The following FRMPD4 variants were observed in gnomAD, a reference collection of about 807,000 sequenced individuals.
FRMPD4 encodes the protein FERM and PDZ domain containing 4.
FRMPD4 carries 22 observed loss-of-function variants against 94.1 expected under a neutral mutation model. The observed-to-expected ratio is 0.23, with a 90% CI of 0.17 to 0.33. The LOEUF is 0.33. Ranked by LOEUF, FRMPD4 falls within the 10% of genes least tolerant of loss-of-function variation. The probability of loss-of-function intolerance (pLI) is 1.00; values close to 1 mark genes in which losing one functional copy is unlikely to be tolerated. For missense variants in FRMPD4, 1,111 were observed against 1,339.9 expected, an observed-to-expected ratio of 0.83 and a Z score of 2.67; for synonymous variants, 631 against 548.6, an observed-to-expected ratio of 1.15 and a Z score of -2.10.
chrX:12,675,466 G>A (rs1007065355), intron 5 of FRMPD4, among the ~76,000 whole-genome samples: 7 of 107,953 alleles, frequency 6.5e-5, no homozygotes, highest in Admixed American at 3.0e-4. Context: ...TATAATCTGC[G>A]TACCATAAAA....
At chrX:12,222,015 T>A in intron 1 of FRMPD4, among the ~76,000 whole-genome samples, 1 of 111,753 alleles carries the variant, frequency 8.9e-6, no homozygotes, top group Non-Finnish European at 1.9e-5. Flanking sequence ...AAAAATATGC[T>A]ATGAATATAA....
intron 13 of FRMPD4, among the ~76,000 whole-genome samples, chrX:12,708,307 T>C (rs1360406431): frequency 2.7e-5 from 3 of 109,721 alleles, no homozygotes; most frequent in African/African-American, 1.0e-4. Flanking sequence ...CCATCTCTAC[T>C]AAAAATACAA....
intron 1 of FRMPD4, among the ~76,000 whole-genome samples, chrX:12,305,716 G>A (rs889087217): frequency 7.0e-4 from 47 of 67,571 alleles, no homozygotes; most frequent in Non-Finnish European, 9.9e-4. Context: ...TACCACCACA[G>A]CTGGCTAAGT....
At chrX:12,582,955 C>A (rs1285000734) in intron 2 of FRMPD4, among the ~76,000 whole-genome samples, 1 of 112,231 alleles carries the variant, frequency 8.9e-6, no homozygotes, top group Non-Finnish European at 1.9e-5. Flanking sequence ...CATTGCTCTT[C>A]CTTCTATGCC....
At chrX:12,720,084 GAA>G (rs1163539312) in intron 16 of FRMPD4, among the ~76,000 whole-genome samples, 1 of 105,236 alleles carries the variant, frequency 9.5e-6, no homozygotes, top group Admixed American at 1.0e-4. Context: ...GAAAGAAAGA[GAA>G]AGAAAGAAAG....
chrX:11,924,106 A>C (rs1477133606), intron 3 of FRMPD4, among the ~76,000 whole-genome samples: 1 of 112,467 alleles, frequency 8.9e-6, no homozygotes, highest in Non-Finnish European at 1.9e-5. Flanking sequence ...GAGAGAGCTG[A>C]AAAACATAGT....
At chrX:12,127,041 A>C (rs972158107) in intron 3 of FRMPD4, among the ~76,000 whole-genome samples, 3 of 112,138 alleles carry the variant, frequency 2.7e-5, no homozygotes, top group East Asian at 5.6e-4. Context: ...TGAATACCTG[A>C]TGTCAGAATT....
At chrX:12,243,790 CTTTTTTTTTTTTTTT>C (rs148889684) in intron 1 of FRMPD4, among the ~76,000 whole-genome samples, 15 of 22,913 alleles carry the variant, frequency 6.5e-4, no homozygotes, top group South Asian at 6.6e-3. Context: ...ATCTAAAGGG[CTTTTTTTTTTTTTTT>C]TTTTTTTTTT....
chrX:12,322,472 A>G (rs1292101137), intron 1 of FRMPD4, among the ~76,000 whole-genome samples: 3 of 110,474 alleles, frequency 2.7e-5, no homozygotes, highest in Non-Finnish European at 5.7e-5. Context: ...CATGAGGTGG[A>G]TGATGTGCTT....
chrX:12,005,941 A>T, intron 3 of FRMPD4, among the ~76,000 whole-genome samples: 1 of 111,464 alleles, frequency 9.0e-6, no homozygotes, highest in East Asian at 2.8e-4. Context: ...CTCTCCCAAG[A>T]TTCTTTTTTT....
At chrX:12,259,679 C>T (rs1217597998) in intron 1 of FRMPD4, among the ~76,000 whole-genome samples, 1 of 111,574 alleles carries the variant, frequency 9.0e-6, no homozygotes, top group Non-Finnish European at 1.9e-5. Flanking sequence ...CTCCGTTGGT[C>T]AGAACTCAGA....
chrX:12,388,818 G>GATGTATATATATATATAT (rs2056433670), intron 1 of FRMPD4, among the ~76,000 whole-genome samples: 1 of 60,737 alleles, frequency 1.6e-5, no homozygotes, highest in African/African-American at 8.4e-5. Context: ...AAGAAAATGT[G>GATGTATATATATATATAT]ATATATATAT....
intron 3 of FRMPD4, among the ~76,000 whole-genome samples, chrX:12,054,233 G>T (rs1247121647): frequency 1.8e-5 from 2 of 110,817 alleles, no homozygotes; most frequent in Non-Finnish European, 3.8e-5. Flanking sequence ...AAATATTTTG[G>T]GGGTAGTGTG....
chrX:11,883,443 T>C (rs1398887816), intron 3 of FRMPD4, among the ~76,000 whole-genome samples: 1 of 111,922 alleles, frequency 8.9e-6, no homozygotes, highest in Non-Finnish European at 1.9e-5. Flanking sequence ...AAAGGCTCTC[T>C]AATCTTTCTT....
intron 4 of FRMPD4, among the ~76,000 whole-genome samples, chrX:12,671,159 A>G (rs1171631052): frequency 8.9e-6 from 1 of 112,158 alleles, no homozygotes; most frequent in African/African-American, 3.2e-5. Flanking sequence ...TAGTTCAACC[A>G]TTGTGGAAGA....
chrX:11,843,730 T>A (rs781740050), intron 1 of FRMPD4, among the ~76,000 whole-genome samples: 1 of 110,070 alleles, frequency 9.1e-6, no homozygotes, highest in Admixed American at 9.7e-5. Flanking sequence ...ACTTATTTTT[T>A]ATTTTTTTGT....
chrX:11,926,000 TAAAAA>T (rs757787631), intron 3 of FRMPD4, among the ~76,000 whole-genome samples: 4 of 109,263 alleles, frequency 3.7e-5, no homozygotes, highest in South Asian at 3.9e-4. Context: ...GCTAGACTAA[TAAAAA>T]AGAAAAGAGA....
intron 1 of FRMPD4, among the ~76,000 whole-genome samples, chrX:12,421,996 G>A (rs1034220559): frequency 2.7e-5 from 3 of 111,822 alleles, no homozygotes; most frequent in Non-Finnish European, 5.6e-5. Flanking sequence ...AGTCTAACAT[G>A]TTTGAATCCT....
intron 3 of FRMPD4, among the ~76,000 whole-genome samples, chrX:12,056,391 A>G (rs776881240): frequency 3.2e-4 from 36 of 112,112 alleles, no homozygotes; most frequent in Non-Finnish European, 6.4e-4. Flanking sequence ...CTTAGGACCT[A>G]CAGTCAAACA....
Sources: gnomAD v4.1 joint callset for allele counts (sites outside exome capture counted in the v4.1 genomes callset) on GRCh38, gnomAD v4.1.1 for gene constraint, MANE v1.5 for transcripts, NCBI Gene and HGNC (gene_info 2026-07-23, HGNC 2026-07-21) for gene names.